SPDYE4: variants seen among roughly 807,000 people sequenced by gnomAD.
SPDYE4 encodes speedy protein E4.
In SPDYE4, 30 loss-of-function variants were observed where a neutral mutation model predicts 37.5. The ratio of observed to expected loss-of-function variants is 0.80; its 90% CI spans 0.60 to 1.09. The LOEUF (loss-of-function observed/expected upper bound fraction) is 1.09, where lower values mean the gene tolerates loss of function less well. SPDYE4 is among the 50% of genes least tolerant of loss of function. SPDYE4 has a pLI of 0.00. For missense variants in SPDYE4, 300 were observed against 307.9 expected (o/e 0.97, Z 0.19); for synonymous variants, 131 against 120.3 (o/e 1.09, Z -0.58).
chr17:8,756,326 C>T (rs1176166169), intron 3 of SPDYE4, 52 bp downstream of exon 3: 3 of 1,570,280 alleles, frequency 1.9e-6, no homozygotes, highest in South Asian at 1.1e-5. Context: ...CTGCACCCTT[C>T]CCCAGGACGT....
In SPDYE4 at chr17:8,758,477, G is replaced by T; in HGVS notation, c.-95C>A. 1 of 1,184,684 alleles carries T rather than the reference G, an allele frequency of 8.4e-7. No homozygotes were observed. The highest frequency in any genetic ancestry group is 1.2e-6 in the Non-Finnish European group (1 of 818,870). The allele number at this position is 1,184,684 out of a possible 1,614,324, so 73.4% of individuals were successfully genotyped here. On this transcript the variant is annotated 5_prime_UTR_variant, in exon 1 of 7. Coordinates refer to ENST00000689094, the MANE Select transcript of SPDYE4 (RefSeq NM_001394956.1). ...ACTCCGTTAGGACCCAGAAGAGTGCGTTTCTCTTCTAGAGGCTCGGGAGAA... is the reference window on the plus strand; with the variant it reads ...ACTCCGTTAGGACCCAGAAGAGTGCTTTTCTCTTCTAGAGGCTCGGGAGAA...
downstream of SPDYE4, among the ~76,000 whole-genome samples, chr17:8,748,288 G>T (rs983401342): frequency 9.2e-5 from 14 of 152,246 alleles, no homozygotes; most frequent in Non-Finnish European, 1.8e-4. Flanking sequence ...GAGACAGCTT[G>T]CTTTCTCTCT....
rs2086725700 is a variant in SPDYE4 at position 8,751,142 on chromosome 17, C to T, written c.*1140G>A. ...ACTACTCTAGGTCATAACAGTGCTCCCTTCAGCAGCACATGTAATAACAGA... is the reference window on the plus strand; with the variant it reads ...ACTACTCTAGGTCATAACAGTGCTCTCTTCAGCAGCACATGTAATAACAGA... On this transcript the variant is annotated 3_prime_UTR_variant, in exon 7 of 7. Coordinates refer to ENST00000689094, the MANE Select transcript of SPDYE4 (RefSeq NM_001394956.1). 6.6e-6 allele frequency among the ~76,000 whole-genome samples: 1 copy of T among 152,008 alleles called. No homozygotes were observed.
At chr17:8,749,922 T>C (rs1037475494), downstream of SPDYE4, among the ~76,000 whole-genome samples, 4 of 152,220 alleles carry the variant, frequency 2.6e-5, no homozygotes, top group African/African-American at 4.8e-5. Flanking sequence ...GCTGGAATAG[T>C]AATTGCATTC....
intron 4 of SPDYE4, among the ~76,000 whole-genome samples, chr17:8,754,996 G>T (rs1175212955): frequency 6.6e-6 from 1 of 152,230 alleles, no homozygotes; most frequent in Non-Finnish European, 1.5e-5. Flanking sequence ...AGCTAAGGAG[G>T]TTGTTCAGGT....
chr17:8,752,824 T>C (rs1442614776), intron 6 of SPDYE4, among the ~76,000 whole-genome samples: 5 of 151,880 alleles, frequency 3.3e-5, no homozygotes, highest in Admixed American at 3.3e-4. Flanking sequence ...TGAGAAAGAG[T>C]GTCACTCTGT....
In SPDYE4 at chr17:8,751,492, A is replaced by C. The variant is rs563665721; in HGVS notation, c.*790T>G. 6.6e-6 allele frequency among the ~76,000 whole-genome samples: 1 copy of C among 152,360 alleles called. No individual in the cohort carries two copies. The highest frequency in any genetic ancestry group is 1.5e-5 in the Non-Finnish European group (1 of 68,030). ...ACAGAAAATAAACATTTCTATTTGCAAGAATGTAGGGGAACTACCACCTAG... is the reference window on the plus strand; with the variant it reads ...ACAGAAAATAAACATTTCTATTTGCCAGAATGTAGGGGAACTACCACCTAG... On this transcript the variant is annotated 3_prime_UTR_variant, in exon 7 of 7. Coordinates refer to ENST00000689094, the MANE Select transcript of SPDYE4 (RefSeq NM_001394956.1).
chr17:8,757,425 G>A lies in SPDYE4; in HGVS notation c.177C>T (p.Asp59=), dbSNP rs763079229. The A allele has an allele frequency of 1.0e-4, 163 of 1,595,238 alleles. No individual in the cohort carries two copies. Among genetic ancestry groups the A allele is most frequent in the Non-Finnish European group, 1.3e-4 (148 of 1,170,686 alleles). ...CCTCCTCCAGCTCCTCCTCGGATTC[G>A]TCTGACCATTCGCTCTTCCTTTTCA... ...LGLKRKSEWS[D]ESEEELEEEL... is the part of the protein sequence containing the mutation. Residue 59 remains aspartate (D), a synonymous_variant, in exon 2 of 7, where the codon GAC becomes GAT. Transcript: ENST00000689094.
chr17:8,756,252 G>A (rs540895732), intron 3 of SPDYE4, 126 bp downstream of exon 3: 3 of 870,286 alleles, frequency 3.4e-6, no homozygotes, highest in Non-Finnish European at 5.4e-6. Context: ...GGGCGCCCAA[G>A]AGTATGGAAT....
At chr17:8,755,994 A>T (rs932053479) in intron 3 of SPDYE4, among the ~76,000 whole-genome samples, 21 of 152,208 alleles carry the variant, frequency 1.4e-4, no homozygotes, top group African/African-American at 4.8e-4. Flanking sequence ...GTGCAGAGGC[A>T]GGGGCCACCC....
downstream of SPDYE4, among the ~76,000 whole-genome samples, chr17:8,749,974 T>C (rs554519335): frequency 4.3e-4 from 65 of 152,316 alleles, no homozygotes; most frequent in African/African-American, 1.6e-3. Flanking sequence ...ATCAACACTT[T>C]GCAACCTCCT....
chr17:8,755,755 G>A (rs889706530), intron 3 of SPDYE4, 150 bp from the exon 4 acceptor site: 13 of 1,053,372 alleles, frequency 1.2e-5, no homozygotes, highest in African/African-American at 7.9e-5. Flanking sequence ...GGGGGCTTGC[G>A]GGTGGAGAGT....
At chr17:8,756,575 A>G in intron 2 of SPDYE4, 139 bp from the exon 3 acceptor site, 1 of 767,210 alleles carries the variant, frequency 1.3e-6, no homozygotes, top group South Asian at 1.8e-5. Flanking sequence ...GAGAGGAGAG[A>G]AGGACTTTCA....
chr17:8,757,355 C>A lies in SPDYE4; in HGVS notation c.247G>T (p.Val83Leu), dbSNP rs376035807. 1 of 1,600,068 alleles carries A rather than the reference C, an allele frequency of 6.2e-7. No homozygotes were observed. The highest frequency in any genetic ancestry group is 8.5e-7 in the Non-Finnish European group (1 of 1,173,074). The change falls in exon 2 of 7, where the codon GTG (valine) becomes TTG (leucine). Residue 83 changes from valine (V) to leucine (L), a missense_variant. Physicochemically the swap from Val to Leu is conservative, Grantham distance 32 (BLOSUM62 1). Transcript: ENST00000689094. ...ATCTTGAGCCCACACAGCGTCTCCACCACCCAGGTGTCCTCGGGCTCAGGG... is the reference window on the plus strand; with the variant it reads ...ATCTTGAGCCCACACAGCGTCTCCAACACCCAGGTGTCCTCGGGCTCAGGG... ...RAPEPEDTWV[V>L]ETLCGLKMKL... is the part of the protein sequence containing the mutation.
chr17:8,748,265 C>T (rs1420672734), downstream of SPDYE4, among the ~76,000 whole-genome samples: 1 of 152,206 alleles, frequency 6.6e-6, no homozygotes, highest in African/African-American at 2.4e-5. Context: ...GCTTTAGTGC[C>T]CTTTTAACAA....
Position 8,758,362 on chromosome 17 carries a change from G to T in SPDYE4, c.21C>A (p.Arg7=), listed in dbSNP as rs2086792760. The T allele has an allele frequency of 6.4e-7, 1 of 1,551,110 alleles. No individual in the cohort carries two copies. Among genetic ancestry groups the T allele is most frequent in the East Asian group, 2.4e-5 (1 of 40,866 alleles). MASGQA[R]PPFEEESPQP... ...GGGGGCTCTCCTCCTCAAACGGGGG[G>T]CGCGCTTGACCACTGGCCATAATCT... is the stretch of plus-strand genomic sequence containing the variant. The change falls in exon 1 of 7, where the codon CGC becomes CGA. Residue 7 remains arginine, a synonymous_variant. Transcript: ENST00000689094.
chr17:8,757,923 C>T (rs535394714), intron 1 of SPDYE4, among the ~76,000 whole-genome samples: 8 of 152,166 alleles, frequency 5.3e-5, no homozygotes, highest in African/African-American at 1.9e-4. Context: ...GCTGGGACTA[C>T]AGGCACGCAC....
rs1255904366 is a variant in SPDYE4, at chr17:8,751,167, A to C, written c.*1115T>G. Among the ~76,000 whole-genome samples the C allele has an allele frequency of 6.6e-6, 1 of 152,252 alleles. No individual in the cohort carries two copies. Among genetic ancestry groups the C allele is most frequent in the Non-Finnish European group, 1.5e-5 (1 of 68,048 alleles). On this transcript the variant is annotated 3_prime_UTR_variant, in exon 7 of 7. Transcript: ENST00000689094. Reference sequence around the variant, plus strand: ...CCTTCAGCAGCACATGTAATAACAGATAAAAAGATTTAAAAATAAAACATT... The same window carrying C: ...CCTTCAGCAGCACATGTAATAACAGCTAAAAAGATTTAAAAATAAAACATT...
chr17:8,753,058 A>G, intron 6 of SPDYE4, 36 bp downstream of exon 6: 3 of 1,513,960 alleles, frequency 2.0e-6, no homozygotes, highest in Non-Finnish European at 2.7e-6. Context: ...TATAGATGAG[A>G]ATATTCTGCC....
Sources: allele counts gnomAD v4.1 joint callset (sites outside exome capture counted in the v4.1 genomes callset), GRCh38; gene constraint gnomAD v4.1.1; transcripts MANE v1.5; gene names NCBI Gene and HGNC (gene_info 2026-07-23, HGNC 2026-07-21).